PDGFRL: variants seen among roughly 807,000 people sequenced by gnomAD.
PDGFRL encodes the protein platelet derived growth factor receptor like.
PDGFRL carries 46 observed loss-of-function variants against 37.2 expected under a neutral mutation model. The ratio of observed to expected loss-of-function variants is 1.24; its 90% confidence interval spans 0.98 to 1.58. PDGFRL has a LOEUF of 1.58. Among genes scored for constraint, PDGFRL ranks in the 40% most tolerant of loss-of-function variants. The probability of loss-of-function intolerance (pLI) is 0.00; values close to 1 mark genes in which losing one functional copy is unlikely to be tolerated. For synonymous variants in PDGFRL, 251 were observed against 184.3 expected, an observed-to-expected ratio of 1.36 and a Z score of -2.93; for missense variants, 692 against 467.6, an observed-to-expected ratio of 1.48 and a Z score of -4.43.
At chr8:17,616,956 G>A (rs180976026) in intron 2 of PDGFRL, among the ~76,000 whole-genome samples, 24 of 152,182 alleles carry the variant, frequency 1.6e-4, no homozygotes, top group Admixed American at 3.9e-4. Context: ...AAGATGCACC[G>A]GTCCCTATAT....
At chr8:17,584,700 C>A (rs1311512200) in intron 1 of PDGFRL, among the ~76,000 whole-genome samples, 1 of 141,406 alleles carries the variant, frequency 7.1e-6, no homozygotes, top group African/African-American at 2.6e-5. Flanking sequence ...ATTGAAGGAT[C>A]TAATTCTCAG....
chr8:17,639,567 T>C (rs565130313), intron 5 of PDGFRL, among the ~76,000 whole-genome samples: 57 of 152,270 alleles, frequency 3.7e-4, no homozygotes, highest in Admixed American at 3.7e-3. Context: ...AATTCTTAGA[T>C]GATGATTCTT....
chr8:17,592,697 C>T (rs982238521), intron 2 of PDGFRL, among the ~76,000 whole-genome samples: 1 of 152,194 alleles, frequency 6.6e-6, no homozygotes, highest in Non-Finnish European at 1.5e-5. Context: ...GCATCACTGT[C>T]TCTGGGAAAC....
intron 1 of PDGFRL, among the ~76,000 whole-genome samples, chr8:17,580,411 T>G (rs75856275): frequency 0.036 from 5,451 of 152,276 alleles, 136 homozygotes; most frequent in Middle Eastern, 0.068. Context: ...ATGCACATAA[T>G]GAATGCTTTG....
At chr8:17,615,172 G>A (rs553598338) in intron 2 of PDGFRL, among the ~76,000 whole-genome samples, 96 of 152,158 alleles carry the variant, frequency 6.3e-4, no homozygotes, top group African/African-American at 2.3e-3. Context: ...ATAACTGATG[G>A]GTGTCCCATT....
intron 2 of PDGFRL, among the ~76,000 whole-genome samples, chr8:17,612,000 G>C (rs977592894): frequency 6.6e-6 from 1 of 152,164 alleles, no homozygotes; most frequent in African/African-American, 2.4e-5. Context: ...AACTCCAGGG[G>C]AGGTGGCACA....
intron 2 of PDGFRL, among the ~76,000 whole-genome samples, chr8:17,618,362 G>A (rs997039209): frequency 7.9e-5 from 12 of 152,096 alleles, no homozygotes; most frequent in Non-Finnish European, 1.6e-4. Context: ...GGCCTGGGTC[G>A]ACCATTTTTT....
chr8:17,597,340 A>C (rs372114562), intron 2 of PDGFRL, among the ~76,000 whole-genome samples: 11 of 152,192 alleles, frequency 7.2e-5, no homozygotes, highest in African/African-American at 2.2e-4. Flanking sequence ...AGTTATAACC[A>C]ATATTGTTGG....
At chr8:17,584,101 A>G (rs1803765810) in intron 1 of PDGFRL, among the ~76,000 whole-genome samples, 1 of 152,176 alleles carries the variant, frequency 6.6e-6, no homozygotes, top group Non-Finnish European at 1.5e-5. Flanking sequence ...GAAGGAAAAG[A>G]GGCTGAGTTC....
intron 3 of PDGFRL, among the ~76,000 whole-genome samples, chr8:17,622,994 A>C (rs997082550): frequency 6.6e-6 from 1 of 152,190 alleles, no homozygotes; most frequent in Non-Finnish European, 1.5e-5. Context: ...GGTAGGTCAG[A>C]GGTTCTCTAA....
In PDGFRL at chr8:17,589,761, C is replaced by T. The variant is rs765913663; in HGVS notation, c.349C>T (p.Leu117Phe). 1 of 1,585,322 alleles carries T rather than the reference C, an allele frequency of 6.3e-7. No individual in the cohort carries two copies. Residue 117 changes from leucine (L) to phenylalanine (F), a missense_variant, in exon 2 of 6, where the codon CTC (leucine) becomes TTC (phenylalanine). Coordinates refer to ENST00000251630, the MANE Select transcript of PDGFRL (RefSeq NM_001372073.1). ...AYLDTFKDSR[L>F]SVKQNERYGQ... ...TCTGGACACCTTTAAGGATTCTCGC[C>T]TCAGGTAAGCATTTTTTTTTAAAAC...
At chr8:17,578,284 C>G (rs767216902) in intron 1 of PDGFRL, among the ~76,000 whole-genome samples, 1 of 152,186 alleles carries the variant, frequency 6.6e-6, no homozygotes, top group Admixed American at 6.5e-5. Flanking sequence ...CTGGAGCCAG[C>G]TCGACCTGGC....
At chr8:17,639,438 G>A (rs370736992) in intron 5 of PDGFRL, among the ~76,000 whole-genome samples, 1 of 152,026 alleles carries the variant, frequency 6.6e-6, no homozygotes, top group East Asian at 1.9e-4. Flanking sequence ...AATATTTAGT[G>A]CTCCTTTTAG....
rs748663166 is a variant in PDGFRL at position 17,634,213 on chromosome 8, GGTAAGT to G, written c.939+3_939+8del. 1.9e-6 allele frequency: 3 copies of G among 1,609,904 alleles called. No individual in the cohort carries two copies. The highest frequency in any genetic ancestry group is 2.5e-6 in the Non-Finnish European group (3 of 1,177,328). ...TCACCTGGATCTTCCCAGGGCAGAAGGTAAGTGTTGTACCTGCATCTCAGCCCCTGC... is the reference window on the plus strand; with the variant it reads ...TCACCTGGATCTTCCCAGGGCAGAAGGTTGTACCTGCATCTCAGCCCCTGC... On this transcript the variant is annotated splice_donor_variant and splice_donor_5th_base_variant and intron_variant, in intron 5 of 5. Coordinates refer to ENST00000251630, the MANE Select transcript of PDGFRL (RefSeq NM_001372073.1). LOFTEE classifies it high-confidence loss of function.
chr8:17,613,193 T>G (rs1804457272), intron 2 of PDGFRL, among the ~76,000 whole-genome samples: 1 of 152,140 alleles, frequency 6.6e-6, no homozygotes, highest in Non-Finnish European at 1.5e-5. Context: ...GTTGGGCGTA[T>G]TTTAAGGCCT....
At chr8:17,591,385 C>A (rs369803287) in intron 2 of PDGFRL, among the ~76,000 whole-genome samples, 99 of 152,252 alleles carry the variant, frequency 6.5e-4, no homozygotes, top group African/African-American at 2.3e-3. Flanking sequence ...CTGGGAGGAA[C>A]CTGAGCATGG....
chr8:17,592,494 C>G (rs2588151), intron 2 of PDGFRL, among the ~76,000 whole-genome samples: 69,731 of 151,988 alleles, frequency 0.46, 18,763 homozygotes, highest in East Asian at 0.62. Flanking sequence ...AGTCCAGCAT[C>G]CTCATATGGC....
At chr8:17,587,404 T>G (rs569122273) in intron 1 of PDGFRL, among the ~76,000 whole-genome samples, 52 of 152,330 alleles carry the variant, frequency 3.4e-4, no homozygotes, top group Non-Finnish European at 7.1e-4. Flanking sequence ...TATTGTCATT[T>G]CTGGTAGCTT....
chr8:17,600,627 C>T (rs1804146664), intron 2 of PDGFRL, among the ~76,000 whole-genome samples: 1 of 141,978 alleles, frequency 7.0e-6, no homozygotes, highest in Non-Finnish European at 1.5e-5. Context: ...CAGCAAGACC[C>T]CCATCTCTAA....
Sources: gnomAD v4.1 joint callset for allele counts (sites outside exome capture counted in the v4.1 genomes callset) on GRCh38, gnomAD v4.1.1 for gene constraint, MANE v1.5 for transcripts, NCBI Gene and HGNC (gene_info 2026-07-23, HGNC 2026-07-21) for gene names.